CAMK2D: variants seen among roughly 807,000 people sequenced by gnomAD.
CAMK2D encodes calcium/calmodulin-dependent protein kinase type II subunit delta.
A neutral mutation model predicts 84.0 loss-of-function variants in CAMK2D; 37 were observed. The ratio of observed to expected loss-of-function variants is 0.44; its 90% CI spans 0.34 to 0.58. The LOEUF is 0.58. Among genes scored for constraint, CAMK2D ranks in the 20% least tolerant of loss-of-function variants. The probability of loss-of-function intolerance (pLI) is 0.02; values close to 1 mark genes in which losing one functional copy is unlikely to be tolerated. For missense variants in CAMK2D, 448 were observed against 652.5 expected, an observed-to-expected ratio of 0.69 and a Z score of 3.41; for synonymous variants, 202 against 212.5, an observed-to-expected ratio of 0.95 and a Z score of 0.43.
intron 3 of CAMK2D, among the ~76,000 whole-genome samples, chr4:113,653,561 TA>T (rs2099185226): frequency 6.6e-6 from 1 of 152,044 alleles, no homozygotes; most frequent in African/African-American, 2.4e-5. Flanking sequence ...GTCGCTTTCT[TA>T]GACTGTTGCT....
At chr4:113,603,805 A>ATAT (rs1561291511) in intron 4 of CAMK2D, among the ~76,000 whole-genome samples, 1 of 136,896 alleles carries the variant, frequency 7.3e-6, no homozygotes, top group African/African-American at 2.6e-5. Context: ...ATATATATTT[A>ATAT]AAACAGTAAG....
chr4:113,736,113 C>A (rs72901783), intron 2 of CAMK2D, among the ~76,000 whole-genome samples: 6,255 of 134,862 alleles, frequency 0.046, 452 homozygotes, highest in African/African-American at 0.16. Flanking sequence ...GAAATAGCCA[C>A]CTGACTCACT....
At chr4:113,543,382 GA>G (rs1590977295) in intron 6 of CAMK2D, among the ~76,000 whole-genome samples, 2 of 94,558 alleles carry the variant, frequency 2.1e-5, no homozygotes, top group East Asian at 4.3e-4. Flanking sequence ...TATATATATT[GA>G]TTTTTTTTTT....
intron 3 of CAMK2D, among the ~76,000 whole-genome samples, chr4:113,647,954 T>G (rs1445465563): frequency 3.9e-5 from 6 of 152,182 alleles, no homozygotes; most frequent in Non-Finnish European, 8.8e-5. Context: ...TAAGCTTAAA[T>G]GCACATTTGG....
chr4:113,755,838 C>A (rs2099627327), intron 2 of CAMK2D, among the ~76,000 whole-genome samples: 2 of 151,928 alleles, frequency 1.3e-5, no homozygotes, highest in Admixed American at 1.3e-4. Flanking sequence ...GGCGTAATTT[C>A]TAATTCTCAT....
At chr4:113,758,605 C>G (rs1485971254) in intron 2 of CAMK2D, among the ~76,000 whole-genome samples, 2 of 152,114 alleles carry the variant, frequency 1.3e-5, no homozygotes, top group Non-Finnish European at 2.9e-5. Context: ...AACATTTCAG[C>G]GTAAGTACTT....
At chr4:113,746,542 T>TA (rs1189421262) in intron 2 of CAMK2D, among the ~76,000 whole-genome samples, 2 of 152,100 alleles carry the variant, frequency 1.3e-5, no homozygotes, top group Non-Finnish European at 2.9e-5. Context: ...ACAGTATATA[T>TA]TTTTTTCTTT....
At chr4:113,754,055 A>G (rs2099623034) in intron 2 of CAMK2D, 2 of 879,790 alleles carry the variant, frequency 2.3e-6, no homozygotes, top group South Asian at 1.0e-4. Flanking sequence ...ACATAAAGAC[A>G]TGTGAATATG....
At chr4:113,588,067 A>G (rs1386417973) in intron 4 of CAMK2D, among the ~76,000 whole-genome samples, 1 of 152,166 alleles carries the variant, frequency 6.6e-6, no homozygotes, top group Non-Finnish European at 1.5e-5. Context: ...AAAGCAAACA[A>G]AAGAGTCTTT....
At chr4:113,758,663 G>A (rs981723223) in intron 2 of CAMK2D, among the ~76,000 whole-genome samples, 3 of 152,216 alleles carry the variant, frequency 2.0e-5, no homozygotes, top group Admixed American at 6.5e-5. Flanking sequence ...AGCCCTCCAA[G>A]TTTTTTGGTT....
chr4:113,668,768 T>C (rs1472288773), intron 2 of CAMK2D, among the ~76,000 whole-genome samples: 1 of 152,154 alleles, frequency 6.6e-6, no homozygotes, highest in Non-Finnish European at 1.5e-5. Context: ...TAGTATATGC[T>C]AAACATCTCA....
intron 3 of CAMK2D, among the ~76,000 whole-genome samples, chr4:113,628,999 T>G (rs1164413373): frequency 6.6e-6 from 1 of 151,966 alleles, no homozygotes; most frequent in Non-Finnish European, 1.5e-5. Context: ...GTAAATAATA[T>G]TTATTTCTAG....
chr4:113,639,533 C>T (rs2154293166), intron 3 of CAMK2D, among the ~76,000 whole-genome samples: 1 of 152,144 alleles, frequency 6.6e-6, no homozygotes, highest in South Asian at 2.1e-4. Context: ...CTGACTCACT[C>T]CTTCAGCCAG....
At chr4:113,495,043 C>T (rs994934960) in intron 16 of CAMK2D, among the ~76,000 whole-genome samples, 1 of 152,186 alleles carries the variant, frequency 6.6e-6, no homozygotes, top group East Asian at 1.9e-4. Context: ...CACTGTGTGG[C>T]ACTCCCTAGT....
chr4:113,701,412 G>A (rs2099417115), intron 2 of CAMK2D, among the ~76,000 whole-genome samples: 4 of 152,186 alleles, frequency 2.6e-5, no homozygotes, highest in Admixed American at 2.6e-4. Context: ...GCAAAATGTT[G>A]ATTAGAGAAT....
intron 2 of CAMK2D, among the ~76,000 whole-genome samples, chr4:113,664,404 A>C (rs918798930): frequency 2.0e-5 from 3 of 152,156 alleles, no homozygotes; most frequent in Non-Finnish European, 4.4e-5. Context: ...CCAGGCTGCA[A>C]TCAAGGTGTC....
chr4:113,744,673 T>C (rs558248113), intron 2 of CAMK2D, among the ~76,000 whole-genome samples: 9 of 152,176 alleles, frequency 5.9e-5, no homozygotes, highest in African/African-American at 1.4e-4. Context: ...TTGATTATCA[T>C]AGCCGCAAAA....
Position 113,549,732 on chromosome 4 carries a change from T to C in CAMK2D, c.342-2016A>G, listed in dbSNP as rs145445546. Among the ~76,000 whole-genome samples, 567 of 152,310 alleles carry C rather than the reference T, an allele frequency of 3.7e-3. 2 individuals are homozygous for C. Among genetic ancestry groups the C allele is most frequent in the African/African-American group, 0.013 (551 of 41,568 alleles). ...GAAGCAAACATTTTAATAAGGACAT[T>C]TTCAACCACTTAATGTATAAAATAA... On this transcript the variant is annotated intron_variant, in intron 5 of 20. Coordinates refer to ENST00000511664, the MANE Select transcript of CAMK2D (RefSeq NM_001321571.2).
At chr4:113,719,860 G>A (rs757097728) in intron 2 of CAMK2D, among the ~76,000 whole-genome samples, 1 of 152,096 alleles carries the variant, frequency 6.6e-6, no homozygotes, top group Non-Finnish European at 1.5e-5. Context: ...AAATGTAACC[G>A]AATAGAAAGA....
Sources: gnomAD v4.1 joint callset for allele counts (sites outside exome capture counted in the v4.1 genomes callset) on GRCh38, gnomAD v4.1.1 for gene constraint, MANE v1.5 for transcripts, NCBI Gene and HGNC (gene_info 2026-07-23, HGNC 2026-07-21) for gene names.